SLCO4C1: variants seen among roughly 807,000 people sequenced by gnomAD.
SLCO4C1 encodes organic anion transporter M1.
SLCO4C1 carries 58 observed loss-of-function variants against 72.1 expected under a neutral mutation model. The observed-to-expected ratio is 0.80, with a 90% CI of 0.65 to 1.00. The LOEUF is 1.00. SLCO4C1 is among the 50% of genes least tolerant of loss of function. The probability of loss-of-function intolerance (pLI) is 0.00; values close to 1 mark genes in which losing one functional copy is unlikely to be tolerated. For missense variants in SLCO4C1, 898 were observed against 857.9 expected (o/e 1.05, Z -0.58); for synonymous variants, 297 against 312.5 (o/e 0.95, Z 0.52).
chr5:102,266,815 T>G (rs975444932), intron 3 of SLCO4C1, among the ~76,000 whole-genome samples: 1 of 152,182 alleles, frequency 6.6e-6, no homozygotes, highest in Admixed American at 6.5e-5. Flanking sequence ...TATACCTAAT[T>G]TCTTAAAAGT....
Position 102,293,176 on chromosome 5 carries a change from T to C in SLCO4C1, c.356-1570A>G, listed in dbSNP as rs553088889. ...ATAAGCCAATTTACAATTCTTAGGATTTCAAAATAAAGTACCTAAAGTATC... is the reference window on the plus strand; with the variant it reads ...ATAAGCCAATTTACAATTCTTAGGACTTCAAAATAAAGTACCTAAAGTATC... On this transcript the variant is annotated intron_variant, in intron 1 of 12. Transcript: ENST00000310954. Among the ~76,000 whole-genome samples, 13 of 152,268 alleles carry C rather than the reference T, an allele frequency of 8.5e-5. No homozygotes were observed. The East Asian group carries it at 2.1e-3, about 25-fold the overall frequency.
At chr5:102,257,063 G>A in intron 8 of SLCO4C1, 52 bp downstream of exon 8, 1 of 1,299,500 alleles carries the variant, frequency 7.7e-7, no homozygotes, top group Non-Finnish European at 1.0e-6. Flanking sequence ...GCTTGGAAAT[G>A]CTTAGTCTAT....
At chr5:102,291,884 C>T (rs181813294) in intron 1 of SLCO4C1, among the ~76,000 whole-genome samples, 25 of 152,100 alleles carry the variant, frequency 1.6e-4, no homozygotes, top group Non-Finnish European at 2.8e-4. Context: ...TGCAATGGCG[C>T]GATCTCGGCT....
chr5:102,260,362 CATATAATATATT>C (rs780190682), intron 5 of SLCO4C1, 43 bp from the exon 6 acceptor site: 1 of 218,312 alleles, frequency 4.6e-6, no homozygotes. Context: ...ATATATTATA[CATATAATATATT>C]ATATGTATAA....
chr5:102,240,892 G>A (rs1379593616), intron 10 of SLCO4C1, 110 bp from the exon 11 acceptor site: 7 of 685,784 alleles, frequency 1.0e-5, no homozygotes, highest in Non-Finnish European at 1.4e-5. Context: ...AGTAAATGTT[G>A]TAAACGCAAA....
Position 102,291,560 on chromosome 5 carries a change from C to T in SLCO4C1, c.402G>A (p.Glu134=), listed in dbSNP as rs1357624372. 6.2e-7 allele frequency: 1 copy of T among 1,613,918 alleles called. No homozygotes were observed. The highest frequency in any genetic ancestry group is 1.1e-5 in the South Asian group (1 of 91,018). ...GGGAACTCTTCATTTCATAACGCTT[C>T]TCAACAGTGGAAATGCTAATATTTA... is the stretch of plus-strand genomic sequence containing the variant. The part of the protein sequence containing the change: ...GLVNISISTV[E]KRYEMKSSLT... Residue 134 remains glutamate (E), a synonymous_variant, in exon 2 of 13, where the codon GAG becomes GAA. Coordinates refer to ENST00000310954, the MANE Select transcript of SLCO4C1 (RefSeq NM_180991.5).
At chr5:102,242,353 C>A (rs546468482) in intron 10 of SLCO4C1, among the ~76,000 whole-genome samples, 27 of 152,314 alleles carry the variant, frequency 1.8e-4, no homozygotes, top group African/African-American at 5.8e-4. Flanking sequence ...CATACTGAGA[C>A]AACAGCTGGG....
In SLCO4C1 at chr5:102,291,356, C is replaced by A. The variant is rs772198685; in HGVS notation, c.606G>T (p.Gly202=). 1 of 1,612,864 alleles carries A rather than the reference C, an allele frequency of 6.2e-7. No homozygotes were observed. The highest frequency in any genetic ancestry group is 1.7e-5 in the Admixed American group (1 of 59,742). Residue 202 remains glycine, a synonymous_variant, in exon 2 of 13, where the codon GGG becomes GGT. Coordinates refer to ENST00000310954, the MANE Select transcript of SLCO4C1 (RefSeq NM_180991.5). Reference sequence around the variant, plus strand: ...ATAGAAACTTACCTTCAAAAAGAGACCCCAATTTATATTCTCCACTGAAAA... The same window carrying A: ...ATAGAAACTTACCTTCAAAAAGAGAACCCAATTTATATTCTCCACTGAAAA... The part of the protein sequence containing the change: ...PQFFSGEYKL[G]SLFEDTCVTT...
At chr5:102,284,520 A>G (rs906736930) in intron 2 of SLCO4C1, among the ~76,000 whole-genome samples, 2 of 152,208 alleles carry the variant, frequency 1.3e-5, no homozygotes, top group Admixed American at 6.5e-5. Flanking sequence ...GAAGGGGACA[A>G]GTATAACAAC....
chr5:102,274,823 C>G (rs1749219518), intron 2 of SLCO4C1, among the ~76,000 whole-genome samples: 1 of 152,114 alleles, frequency 6.6e-6, no homozygotes, highest in African/African-American at 2.4e-5. Context: ...TCCTAACCTC[C>G]TAACCACTGC....
intron 2 of SLCO4C1, 92 bp from the exon 3 acceptor site, chr5:102,270,898 C>T: frequency 1.1e-6 from 1 of 939,498 alleles, no homozygotes; most frequent in South Asian, 2.1e-5. Flanking sequence ...TATAATATAA[C>T]CTTATTTATT....
intron 2 of SLCO4C1, among the ~76,000 whole-genome samples, chr5:102,278,417 C>G (rs1749289076): frequency 6.6e-6 from 1 of 152,170 alleles, no homozygotes; most frequent in African/African-American, 2.4e-5. Flanking sequence ...AAACCCCTCT[C>G]TGAGCAACTG....
At chr5:102,254,005 T>A (rs562824733) in intron 8 of SLCO4C1, among the ~76,000 whole-genome samples, 1 of 152,160 alleles carries the variant, frequency 6.6e-6, no homozygotes, top group South Asian at 2.1e-4. Flanking sequence ...GCTGTTATAT[T>A]AAACAGGGAC....
chr5:102,272,267 A>T (rs1366143908), intron 2 of SLCO4C1, among the ~76,000 whole-genome samples: 1 of 152,092 alleles, frequency 6.6e-6, no homozygotes, highest in Non-Finnish European at 1.5e-5. Context: ...TTGTGTCACT[A>T]ATCTGTGCAA....
intron 11 of SLCO4C1, 43 bp from the exon 12 acceptor site, chr5:102,239,431 G>C: frequency 1.4e-6 from 2 of 1,385,292 alleles, no homozygotes; most frequent in African/African-American, 2.9e-5. Context: ...AAAGATTACA[G>C]TTTAGAATTA....
In SLCO4C1 at chr5:102,247,404, TTC is replaced by T. The variant is rs770213372; in HGVS notation, c.1657_1658del (p.Glu553AsnfsTer11). 2.2e-5 allele frequency: 35 copies of T among 1,589,222 alleles called. No individual in the cohort carries two copies. Among genetic ancestry groups the T allele is most frequent in the Non-Finnish European group, 2.9e-5 (34 of 1,161,920 alleles). On this transcript the variant is annotated frameshift_variant, in exon 10 of 13. Transcript: ENST00000310954. LOFTEE classifies it high-confidence loss of function. ...YNCSCIERKT[E>X]ITSTAETFGF... is the part of the protein sequence containing the mutation. ...CAAAAGTTTCTGCAGTGGATGTTATTTCTGTTTTCCTTTCAATACAGGAACAG... is the reference window on the plus strand; with the variant it reads ...CAAAAGTTTCTGCAGTGGATGTTATTTGTTTTCCTTTCAATACAGGAACAG...
At position 102,239,246 on chromosome 5, in the gene SLCO4C1, C is replaced by G. The variant is rs763873498; in HGVS notation, c.2014+5G>C. The G allele has an allele frequency of 1.3e-6, 2 of 1,553,400 alleles. No homozygotes were observed. The highest frequency in any genetic ancestry group is 1.7e-6 in the Non-Finnish European group (2 of 1,155,956). On this transcript the variant is annotated splice_donor_5th_base_variant and intron_variant, in intron 12 of 12. Coordinates refer to ENST00000310954, the MANE Select transcript of SLCO4C1 (RefSeq NM_180991.5). ...CTCTAAAATTATCAAGAAGTCACCA[C>G]TTACTTATGGCTACTAGCATATGGG...
chr5:102,287,720 T>A (rs1386768559), intron 2 of SLCO4C1, among the ~76,000 whole-genome samples: 1 of 151,810 alleles, frequency 6.6e-6, no homozygotes, highest in Non-Finnish European at 1.5e-5. Flanking sequence ...AATTTTTTTT[T>A]TCTTTTTGTA....
intron 10 of SLCO4C1, among the ~76,000 whole-genome samples, chr5:102,242,731 A>G (rs1348822896): frequency 6.6e-6 from 1 of 152,194 alleles, no homozygotes; most frequent in African/African-American, 2.4e-5. Context: ...GCGTTGGGTG[A>G]GAACTCTGAG....
Sources: gnomAD v4.1 joint callset for allele counts (sites outside exome capture counted in the v4.1 genomes callset) on GRCh38, gnomAD v4.1.1 for gene constraint, MANE v1.5 for transcripts, NCBI Gene and HGNC (gene_info 2026-07-23, HGNC 2026-07-21) for gene names.